The following MS4A1 variants were observed in gnomAD, a reference collection of about 807,000 sequenced individuals.
MS4A1 encodes membrane spanning 4-domains A1, also known as B-lymphocyte antigen CD20.
Under a neutral mutation model 26.5 loss-of-function variants are expected in MS4A1, and 16 were observed. That is an observed-to-expected ratio of 0.60 (90% CI 0.41 to 0.92). The LOEUF is 0.92. MS4A1 is among the 40% of genes least tolerant of loss of function. MS4A1 has a pLI of 0.00. For missense variants in MS4A1, 350 were observed against 353.0 expected, an observed-to-expected ratio of 0.99 and a Z score of 0.07; for synonymous variants, 128 against 117.6, an observed-to-expected ratio of 1.09 and a Z score of -0.57.
chr11:60,464,710 G>C (rs1314366588), intron 5 of MS4A1, among the ~76,000 whole-genome samples: 1 of 151,922 alleles, frequency 6.6e-6, no homozygotes, highest in Non-Finnish European at 1.5e-5. Flanking sequence ...GCCATTTTTT[G>C]GCCGTAACAT....
chr11:60,461,424 C>A (rs2086246942), intron 2 of MS4A1, among the ~76,000 whole-genome samples: 1 of 151,002 alleles, frequency 6.6e-6, no homozygotes, highest in Non-Finnish European at 1.5e-5. Context: ...AGAACTTGCC[C>A]AACATCTCAG....
chr11:60,468,104 C>T, intron 7 of MS4A1, 146 bp from the exon 8 acceptor site: 1 of 685,336 alleles, frequency 1.5e-6, no homozygotes, highest in African/African-American at 1.8e-5. Flanking sequence ...TAAGCACCTG[C>T]AAAAAAATTT....
chr11:60,466,215 G>C (rs1382232255), intron 6 of MS4A1, 58 bp downstream of exon 6: 1 of 1,340,280 alleles, frequency 7.5e-7, no homozygotes, highest in Non-Finnish European at 1.1e-6. Context: ...AGGATGACTT[G>C]TTTATTATGA....
Position 60,468,512 on chromosome 11 carries a change from T to C in MS4A1, c.*44T>C. ...TGTTTCCTTTTTTAAACATTAGTGTTCATAGCTTCCAAGAGACATGCTGAC... is the reference window on the plus strand; with the variant it reads ...TGTTTCCTTTTTTAAACATTAGTGTCCATAGCTTCCAAGAGACATGCTGAC... On this transcript the variant is annotated 3_prime_UTR_variant, in exon 8 of 8. Transcript: ENST00000345732. 6.4e-7 allele frequency: 1 copy of C among 1,567,328 alleles called. No individual in the cohort carries two copies. The highest frequency in any genetic ancestry group is 8.8e-7 in the Non-Finnish European group (1 of 1,140,380).
intron 1 of MS4A1, among the ~76,000 whole-genome samples, chr11:60,458,430 C>G (rs2086221277): frequency 6.6e-6 from 1 of 151,958 alleles, no homozygotes; most frequent in African/African-American, 2.4e-5. Context: ...AACAGGGGTG[C>G]CTTTAAAAAT....
At chr11:60,468,111 A>T (rs1256770914) in intron 7 of MS4A1, 139 bp from the exon 8 acceptor site, 2 of 723,968 alleles carry the variant, frequency 2.8e-6, no homozygotes, top group Non-Finnish European at 4.6e-6. Context: ...CTGCAAAAAA[A>T]TTTTGGCATT....
chr11:60,460,281 T>G (rs144114620), intron 1 of MS4A1, among the ~76,000 whole-genome samples: 1 of 152,276 alleles, frequency 6.6e-6, no homozygotes, highest in African/African-American at 2.4e-5. Context: ...ATTTACTAAT[T>G]ATGTAACTTG....
At chr11:60,464,425 G>A in intron 5 of MS4A1, 81 bp downstream of exon 5, 1 of 1,253,952 alleles carries the variant, frequency 8.0e-7, no homozygotes, top group Non-Finnish European at 1.2e-6. Flanking sequence ...CCCTTAAAAA[G>A]CCAAGGTATC....
chr11:60,470,418 A>G lies in MS4A1; in HGVS notation c.*1950A>G, dbSNP rs1316097299. ...TATTTTTTCTCCTCTTCTGAAATAT[A>G]TATGAGGATTCCTCTCCAAACCCAT... On this transcript the variant is annotated 3_prime_UTR_variant, in exon 8 of 8. Transcript: ENST00000345732. 6.6e-6 allele frequency: 1 copy of G among 152,084 alleles called. No individual in the cohort carries two copies. The highest frequency in any genetic ancestry group is 1.5e-5 in the Non-Finnish European group (1 of 67,926). 9.4% of individuals were successfully genotyped at this position (152,084 alleles called of 1,614,324 possible).
chr11:60,462,509 CATG>C lies in MS4A1; in HGVS notation c.137_139del (p.Met46del). On this transcript the variant is annotated inframe_deletion, in exon 3 of 8. Transcript: ENST00000345732. Reference sequence around the variant, plus strand: ...TGGTGGGCCCCACGCAAAGCTTCTTCATGAGGGAATCTAAGACTTTGGGGGTAA... The same window carrying C: ...TGGTGGGCCCCACGCAAAGCTTCTTCAGGGAATCTAAGACTTTGGGGGTAA... The C allele has an allele frequency of 6.2e-7, 1 of 1,614,204 alleles. No homozygotes were observed. The highest frequency in any genetic ancestry group is 2.2e-5 in the East Asian group (1 of 44,882).
At chr11:60,467,112 C>T (rs768794149) in intron 7 of MS4A1, 52 bp downstream of exon 7, 31 of 1,381,012 alleles carry the variant, frequency 2.2e-5, no homozygotes, top group Non-Finnish European at 3.0e-5. Context: ...TCCACATCCA[C>T]AAAGGATCAT....
chr11:60,456,490 G>A (rs930394304), intron 1 of MS4A1, among the ~76,000 whole-genome samples: 10 of 152,166 alleles, frequency 6.6e-5, no homozygotes, highest in African/African-American at 2.2e-4. Flanking sequence ...ATACCTAGAA[G>A]TATAGGTGGC....
At chr11:60,465,088 G>A (rs1473636487) in intron 5 of MS4A1, among the ~76,000 whole-genome samples, 1 of 152,160 alleles carries the variant, frequency 6.6e-6, no homozygotes, top group Non-Finnish European at 1.5e-5. Flanking sequence ...CAGTTTGGGG[G>A]GAAAACTTTT....
In MS4A1 at chr11:60,462,293, C is replaced by A; in HGVS notation, c.-82C>A. On this transcript the variant is annotated 5_prime_UTR_variant, in exon 3 of 8. Transcript: ENST00000345732. ...CTGAGAGAAGCATTCAGATGCATGA[C>A]ACAAGGTAAGACTGCCAAAAATCTT... 6.8e-7 allele frequency: 1 copy of A among 1,460,922 alleles called. No individual in the cohort carries two copies. The highest frequency in any genetic ancestry group is 9.6e-7 in the Non-Finnish European group (1 of 1,043,148). 90.5% of individuals were successfully genotyped at this position (1,460,922 alleles called of 1,614,324 possible).
intron 4 of MS4A1, chr11:60,463,710 T>C (rs2086267396): frequency 2.4e-6 from 1 of 423,380 alleles, no homozygotes; most frequent in African/African-American, 2.0e-5. Context: ...AGGATTAAAA[T>C]TTTCCAAACA....
chr11:60,460,935 G>T (rs532568917), intron 1 of MS4A1, 137 bp from the exon 2 acceptor site: 1 of 151,740 alleles, frequency 6.6e-6, no homozygotes, highest in Admixed American at 6.7e-5. Flanking sequence ...GGATAAAATC[G>T]AAACTAATGC....
Position 60,455,891 on chromosome 11 carries a change from A to T in MS4A1, c.-334A>T, listed in dbSNP as rs1462788519. The T allele has an allele frequency of 6.6e-6, 1 of 152,152 alleles. No individual in the cohort carries two copies. The highest frequency in any genetic ancestry group is 1.5e-5 in the Non-Finnish European group (1 of 68,052). 9.4% of individuals were successfully genotyped at this position (152,152 alleles called of 1,614,324 possible). On this transcript the variant is annotated 5_prime_UTR_variant, in exon 1 of 8. Coordinates refer to ENST00000345732, the MANE Select transcript of MS4A1 (RefSeq NM_152866.3). ...TTGAGAAACAAACTGCACCCACTGA[A>T]CTCCGCAGCTAGCATCCAAATCAGC...
At position 60,466,866 on chromosome 11, in the gene MS4A1, G is replaced by A. The variant is rs371371594; in HGVS notation, c.574-93G>A. The A allele has an allele frequency of 3.9e-4, 469 of 1,217,010 alleles. 7 individuals carry two copies. In the South Asian group the frequency reaches 5.0e-3, roughly 13 times the overall value. The allele number at this position is 1,217,010 out of a possible 1,614,324, so 75.4% of individuals were successfully genotyped here. On this transcript the variant is annotated intron_variant, in intron 6 of 7. Transcript: ENST00000345732. ...TGTCTAAAGAATTGATCTCTTAATC[G>A]TTCAATTATAGTCAACAATAACTTA...
At chr11:60,462,120 A>C in intron 2 of MS4A1, 65 bp from the exon 3 acceptor site, 1 of 589,776 alleles carries the variant, frequency 1.7e-6, no homozygotes, top group Non-Finnish European at 3.1e-6. Flanking sequence ...AGTTGTCAAG[A>C]TCACTGGCAG....
Sources: gnomAD v4.1 joint callset for allele counts (sites outside exome capture counted in the v4.1 genomes callset) on GRCh38, gnomAD v4.1.1 for gene constraint, MANE v1.5 for transcripts, NCBI Gene and HGNC (gene_info 2026-07-23, HGNC 2026-07-21) for gene names.